CSMD2: variants seen among roughly 807,000 people sequenced by gnomAD.
CSMD2 encodes CUB and Sushi multiple domains 2, also known as CUB and sushi domain-containing protein 2.
In CSMD2, 130 loss-of-function variants were observed where a neutral mutation model predicts 398.5. The ratio of observed to expected loss-of-function variants is 0.33; its 90% CI spans 0.28 to 0.38. CSMD2 has a LOEUF of 0.38. Ranked by LOEUF, CSMD2 falls within the 10% of genes least tolerant of loss-of-function variation. CSMD2 has a pLI of 1.00. For missense variants in CSMD2, 3,829 were observed against 4,764.9 expected (o/e 0.80, Z 5.78); for synonymous variants, 1,828 against 1,908.5 (o/e 0.96, Z 1.10).
chr1:34,116,903 AG>A (rs1323989074), intron 1 of CSMD2, among the ~76,000 whole-genome samples: 1 of 152,142 alleles, frequency 6.6e-6, no homozygotes, highest in Non-Finnish European at 1.5e-5. Flanking sequence ...AATGGGTCAA[AG>A]AAAAAATCAC....
chr1:33,744,890 C>A (rs564953758), intron 13 of CSMD2, among the ~76,000 whole-genome samples: 1 of 152,254 alleles, frequency 6.6e-6, no homozygotes, highest in South Asian at 2.1e-4. Flanking sequence ...CTGATATGAT[C>A]CTTTTTGAAG....
chr1:34,083,173 G>A (rs1571050978), intron 2 of CSMD2, among the ~76,000 whole-genome samples: 1 of 152,082 alleles, frequency 6.6e-6, no homozygotes, highest in East Asian at 1.9e-4. Context: ...GAGAAGTGAG[G>A]TGGTATTTGA....
chr1:34,036,526 G>A (rs1489640870), intron 2 of CSMD2, among the ~76,000 whole-genome samples: 1 of 152,210 alleles, frequency 6.6e-6, no homozygotes, highest in Non-Finnish European at 1.5e-5. Context: ...GTAAGAGGAA[G>A]GGAAATGGAT....
At chr1:33,881,504 T>C (rs979447965) in intron 5 of CSMD2, among the ~76,000 whole-genome samples, 2 of 152,048 alleles carry the variant, frequency 1.3e-5, no homozygotes, top group Admixed American at 1.3e-4. Context: ...TGCATAGTTA[T>C]GGTGTGTTTA....
chr1:33,736,364 C>T (rs1054800612), intron 15 of CSMD2, among the ~76,000 whole-genome samples: 1 of 151,732 alleles, frequency 6.6e-6, no homozygotes, highest in Non-Finnish European at 1.5e-5. Flanking sequence ...GCCTGTAGTC[C>T]CAGCTACTTG....
chr1:33,796,870 G>A (rs1331580498), intron 10 of CSMD2, among the ~76,000 whole-genome samples: 2 of 152,130 alleles, frequency 1.3e-5, no homozygotes, highest in African/African-American at 2.4e-5. Context: ...GCATTCCTGG[G>A]GGGAGGTCTA....
intron 25 of CSMD2, among the ~76,000 whole-genome samples, chr1:33,665,989 C>G (rs1366723998): frequency 6.6e-6 from 1 of 152,010 alleles, no homozygotes; most frequent in African/African-American, 2.4e-5. Context: ...CTCATGATAC[C>G]CATGGATGAT....
At chr1:34,142,772 C>T (rs1224326411) in intron 1 of CSMD2, among the ~76,000 whole-genome samples, 3 of 152,132 alleles carry the variant, frequency 2.0e-5, no homozygotes, top group African/African-American at 4.8e-5. Flanking sequence ...GATAATAATG[C>T]CATCTCTCTT....
At chr1:33,704,153 T>G (rs1045418349) in intron 22 of CSMD2, among the ~76,000 whole-genome samples, 1 of 152,244 alleles carries the variant, frequency 6.6e-6, no homozygotes, top group African/African-American at 2.4e-5. Context: ...AATGAGACTT[T>G]CCCTCCTGAT....
intron 65 of CSMD2, 42 bp downstream of exon 65, chr1:33,527,154 G>T (rs1369225191): frequency 5.1e-6 from 8 of 1,568,058 alleles, no homozygotes; most frequent in Non-Finnish European, 7.0e-6. Flanking sequence ...TGTGAAAAAA[G>T]TAACACCAGT....
intron 25 of CSMD2, among the ~76,000 whole-genome samples, chr1:33,690,648 A>T (rs1553174591): frequency 1.3e-5 from 2 of 152,222 alleles, no homozygotes; most frequent in Non-Finnish European, 2.9e-5. Flanking sequence ...ACTAAAGTGA[A>T]ATAGTCATTA....
Position 33,846,939 on chromosome 1 carries a change from C to T in CSMD2, c.978G>A (p.Leu326=), listed in dbSNP as rs1249715172. 2 of 1,610,474 alleles carry T rather than the reference C, an allele frequency of 1.2e-6. No individual in the cohort carries two copies. Among genetic ancestry groups the T allele is most frequent in the Admixed American group, 1.7e-5 (1 of 59,640 alleles). ...GGTGGTTGCCATCCGATGTGAAGTG[C>T]AGTCGCAGCCAGTTCTTGCTGCTGA... ...PVISSKNWLR[L]HFTSDGNHRQ... Residue 326 remains leucine, a synonymous_variant, in exon 6 of 71, where the codon CTG becomes CTA. Coordinates refer to ENST00000373381, the MANE Select transcript of CSMD2 (RefSeq NM_001281956.2).
intron 44 of CSMD2, chr1:33,600,399 C>A (rs765762029): frequency 7.8e-5 from 45 of 578,866 alleles, no homozygotes; most frequent in South Asian, 3.8e-4. Context: ...CCAATAAAGG[C>A]ATACCTACTC....
At chr1:33,927,793 G>A (rs999305643) in intron 4 of CSMD2, among the ~76,000 whole-genome samples, 3 of 152,180 alleles carry the variant, frequency 2.0e-5, no homozygotes, top group African/African-American at 7.2e-5. Context: ...CTGCCTGGGG[G>A]CCTTTGTGCT....
At chr1:33,658,591 G>T (rs1245020529) in intron 26 of CSMD2, among the ~76,000 whole-genome samples, 1 of 150,526 alleles carries the variant, frequency 6.6e-6, no homozygotes, top group Admixed American at 6.6e-5. Context: ...GCCAGGTATG[G>T]TGGCTCACGC....
Position 34,010,730 on chromosome 1 carries a change from T to C in CSMD2, c.517+21864A>G, listed in dbSNP as rs572486354. 4.6e-5 allele frequency among the ~76,000 whole-genome samples: 7 copies of C among 152,246 alleles called. No individual in the cohort carries two copies. The East Asian group carries it at 1.2e-3, about 25-fold the overall frequency. On this transcript the variant is annotated intron_variant, in intron 3 of 70. Transcript: ENST00000373381. ...GCCTCCCAGGTTCACGCCATTCTCC[T>C]GCCTCAGCCTCCTGAGTAGCTGGGA... is the stretch of plus-strand genomic sequence containing the variant.
chr1:33,604,449 C>T (rs1640447614), intron 42 of CSMD2, among the ~76,000 whole-genome samples: 1 of 152,150 alleles, frequency 6.6e-6, no homozygotes, highest in Admixed American at 6.5e-5. Flanking sequence ...TGAAGTCCTC[C>T]AGCTCTTGTG....
At chr1:33,572,799 T>C (rs1326353293) in intron 49 of CSMD2, 108 bp from the exon 50 acceptor site, 2 of 809,422 alleles carry the variant, frequency 2.5e-6, no homozygotes, top group African/African-American at 3.5e-5. Context: ...TAAAAACTAA[T>C]TAAAGGGTAA....
intron 6 of CSMD2, among the ~76,000 whole-genome samples, chr1:33,845,602 C>T (rs955725924): frequency 2.6e-5 from 4 of 152,226 alleles, no homozygotes; most frequent in African/African-American, 9.7e-5. Flanking sequence ...GACAGCTGTT[C>T]CACTCACACA....
Sources: allele counts gnomAD v4.1 joint callset (sites outside exome capture counted in the v4.1 genomes callset), GRCh38; gene constraint gnomAD v4.1.1; transcripts MANE v1.5; gene names NCBI Gene and HGNC (gene_info 2026-07-23, HGNC 2026-07-21).